The following ARHGAP32 variants were observed in gnomAD, a reference collection of about 807,000 sequenced individuals.
ARHGAP32 encodes the protein Rho GTPase activating protein 32.
A neutral mutation model predicts 186.5 loss-of-function variants in ARHGAP32; 51 were observed. The ratio of observed to expected loss-of-function variants is 0.27; its 90% CI spans 0.22 to 0.35. ARHGAP32 has a LOEUF of 0.35. Ranked by LOEUF, ARHGAP32 falls within the 10% of genes least tolerant of loss-of-function variation. The pLI is 1.00. For missense variants in ARHGAP32, 2,186 were observed against 2,623.5 expected, an observed-to-expected ratio of 0.83 and a Z score of 3.64; for synonymous variants, 950 against 964.3, an observed-to-expected ratio of 0.99 and a Z score of 0.27.
At chr11:129,056,301 C>T (rs892177470) in intron 10 of ARHGAP32, among the ~76,000 whole-genome samples, 2 of 152,108 alleles carry the variant, frequency 1.3e-5, no homozygotes, top group African/African-American at 4.8e-5. Context: ...TTATTTTTGA[C>T]AAGGTCTGGC....
chr11:129,194,747 C>A (rs1241227750), upstream of ARHGAP32, among the ~76,000 whole-genome samples: 2 of 151,352 alleles, frequency 1.3e-5, no homozygotes, highest in Non-Finnish European at 2.9e-5. Context: ...GAGTGAAACT[C>A]CGTCTCAAAA....
intron 11 of ARHGAP32, among the ~76,000 whole-genome samples, chr11:129,035,677 C>T (rs967823853): frequency 2.0e-5 from 3 of 151,908 alleles, no homozygotes; most frequent in African/African-American, 7.3e-5. Context: ...AACCTCACCT[C>T]TACTAAAAAT....
In ARHGAP32 at chr11:129,086,820, CAA is replaced by C. The variant is rs150471534; in HGVS notation, c.531+6799_531+6800del. 2.8e-3 allele frequency among the ~76,000 whole-genome samples: 216 copies of C among 77,982 alleles called. 3 individuals are homozygous for C. Among genetic ancestry groups the C allele is most frequent in the Admixed American group, 0.025 (182 of 7,230 alleles). 51.2% of individuals were successfully genotyped at this position (77,982 alleles called of 152,430 possible). ...TGGGCGACAGAGTGAGACTCCATCT[CAA>C]AAAAAAAAAAAAAAAAGACACACTG... On this transcript the variant is annotated intron_variant, in intron 6 of 22. Coordinates refer to ENST00000682385, the MANE Select transcript of ARHGAP32 (RefSeq NM_001378024.1).
chr11:129,078,452 C>A (rs184819455), intron 6 of ARHGAP32, among the ~76,000 whole-genome samples: 2 of 152,126 alleles, frequency 1.3e-5, no homozygotes, highest in African/African-American at 4.8e-5. Context: ...CGAACAAAAA[C>A]GAACTCTTTG....
intron 6 of ARHGAP32, among the ~76,000 whole-genome samples, chr11:129,072,069 T>C (rs1939344): frequency 0.17 from 25,947 of 152,010 alleles, 2,699 homozygotes; most frequent in African/African-American, 0.29. Context: ...AGTGAAGAGA[T>C]GTTGGTCAAT....
intron 6 of ARHGAP32, among the ~76,000 whole-genome samples, chr11:129,092,389 C>T (rs1462443529): frequency 6.6e-6 from 1 of 151,770 alleles, no homozygotes; most frequent in East Asian, 1.9e-4. Flanking sequence ...CAACGATGTA[C>T]TCTAGATAAA....
At chr11:129,042,302 C>T (rs868181440) in intron 10 of ARHGAP32, among the ~76,000 whole-genome samples, 24 of 152,114 alleles carry the variant, frequency 1.6e-4, no homozygotes, top group Middle Eastern at 3.2e-3. Flanking sequence ...GGGCATGCAC[C>T]ACCTCACCTG....
intron 1 of ARHGAP32, among the ~76,000 whole-genome samples, chr11:129,199,912 T>G (rs1944438465): frequency 6.6e-6 from 1 of 152,214 alleles, no homozygotes. Context: ...GGGGCAGAGC[T>G]GCCCAAGACC....
At chr11:129,044,135 C>T (rs1356240800) in intron 10 of ARHGAP32, among the ~76,000 whole-genome samples, 2 of 152,144 alleles carry the variant, frequency 1.3e-5, no homozygotes, top group African/African-American at 4.8e-5. Flanking sequence ...AAGTCTGCCA[C>T]TCACTAGATT....
Position 128,974,638 on chromosome 11 carries a change from A to C in ARHGAP32, c.2559T>G (p.Gly853=). The part of the protein sequence containing the change: ...PSANKKDAET[G]SSQCQTPGST... Reference sequence around the variant, plus strand: ...TTCCTGGAGTCTGACATTGGCTACTACCTGTTTCTGCATCCTTTTTATTGG... The same window carrying C: ...TTCCTGGAGTCTGACATTGGCTACTCCCTGTTTCTGCATCCTTTTTATTGG... The change falls in exon 21 of 23, where the codon GGT becomes GGG. Residue 853 remains glycine (G), a synonymous_variant. Coordinates refer to ENST00000682385, the MANE Select transcript of ARHGAP32 (RefSeq NM_001378024.1). The C allele has an allele frequency of 6.2e-7, 1 of 1,614,160 alleles. No individual in the cohort carries two copies. Among genetic ancestry groups the C allele is most frequent in the Non-Finnish European group, 8.5e-7 (1 of 1,180,022 alleles).
chr11:129,195,160 A>G (rs574501703), upstream of ARHGAP32, among the ~76,000 whole-genome samples: 2 of 152,078 alleles, frequency 1.3e-5, no homozygotes, highest in East Asian at 3.9e-4. Flanking sequence ...TTGTATTTTT[A>G]GTAGAGATGG....
intron 2 of ARHGAP32, among the ~76,000 whole-genome samples, chr11:129,154,266 G>A (rs576624183): frequency 1.2e-4 from 19 of 152,178 alleles, no homozygotes; most frequent in South Asian, 1.2e-3. Flanking sequence ...AAGGGAACAC[G>A]TTTACATTGC....
chr11:129,250,870 C>T (rs1459591836), intron 1 of ARHGAP32, among the ~76,000 whole-genome samples: 1 of 152,114 alleles, frequency 6.6e-6, no homozygotes, highest in Non-Finnish European at 1.5e-5. Flanking sequence ...ATATGTCATA[C>T]CTCACACTTA....
intron 10 of ARHGAP32, among the ~76,000 whole-genome samples, chr11:129,061,512 G>A (rs1157689229): frequency 6.6e-6 from 1 of 151,990 alleles, no homozygotes; most frequent in Non-Finnish European, 1.5e-5. Flanking sequence ...ACTAATAATC[G>A]ACTAAAACAA....
rs759528517 is a variant in ARHGAP32 at position 128,971,002 on chromosome 11, G to A, written c.4211C>T (p.Ala1404Val). 6 of 1,613,528 alleles carry A rather than the reference G, an allele frequency of 3.7e-6. No homozygotes were observed. Among genetic ancestry groups the A allele is most frequent in the South Asian group, 3.3e-5 (3 of 91,088 alleles). The change falls in exon 23 of 23, where the codon GCC (alanine) becomes GTC (valine). Residue 1404 changes from alanine (A) to valine (V), a missense_variant. Transcript: ENST00000682385. ...PGLPEKVRDG[A>V]RVPLLHLRAE... ...GCGCAGGTGCAGCAGCGGGACCCGG[G>A]CACCGTCCCGCACTTTCTCAGGCAG...
rs751480891 is a variant in ARHGAP32, at chr11:129,123,592, G to A, written c.360-62C>T. ...AAACAGTAAAAATTACTAAGTTTAAGGGAAAAATACAGTGGATTTAAGAGC... is the reference window on the plus strand; with the variant it reads ...AAACAGTAAAAATTACTAAGTTTAAAGGAAAAATACAGTGGATTTAAGAGC... On this transcript the variant is annotated intron_variant, in intron 4 of 22. Transcript: ENST00000682385. The surrounding 1 kb of genome is among the most constrained non-coding windows in gnomAD (Gnocchi z 4.6). The A allele has an allele frequency of 1.3e-4, 194 of 1,466,330 alleles. No individual in the cohort carries two copies. In the Middle Eastern group the frequency reaches 2.8e-3, roughly 21 times the overall value. The allele number at this position is 1,466,330 out of a possible 1,614,324, so 90.8% of individuals were successfully genotyped here.
At chr11:129,197,436 A>G (rs1380265239) in intron 1 of ARHGAP32, among the ~76,000 whole-genome samples, 2 of 152,142 alleles carry the variant, frequency 1.3e-5, no homozygotes, top group Non-Finnish European at 2.9e-5. Context: ...TTTTTTTCAA[A>G]ACTGTTCAAT....
At position 129,099,132 on chromosome 11, in the gene ARHGAP32, A is replaced by G. The variant is rs114169472; in HGVS notation, c.445-5425T>C. Among the ~76,000 whole-genome samples, 476 of 152,360 alleles carry G rather than the reference A, an allele frequency of 3.1e-3. 4 individuals are homozygous for G. Among genetic ancestry groups the G allele is most frequent in the African/African-American group, 0.011 (460 of 41,584 alleles). ...TCCCTCCTTATCAGTAATTACTTTT[A>G]ATGTGAATGAAATAAACAGTACAAT... On this transcript the variant is annotated intron_variant, in intron 5 of 22. Coordinates refer to ENST00000682385, the MANE Select transcript of ARHGAP32 (RefSeq NM_001378024.1).
At position 128,972,873 on chromosome 11, in the gene ARHGAP32, G is replaced by A. The variant is rs997087823; in HGVS notation, c.3633C>T (p.Phe1211=). The change falls in exon 22 of 23, where the codon TTC becomes TTT. Residue 1211 remains phenylalanine, a synonymous_variant. Transcript: ENST00000682385. ...GGGGTGGAGACTGGTCCTGATCCAA[G>A]AAGGAGACAGTTGGCATACTGTTCT... ...SGKNSMPTVS[F]LDQDQSPPRF... 2 of 1,613,952 alleles carry A rather than the reference G, an allele frequency of 1.2e-6. No homozygotes were observed. Among genetic ancestry groups the A allele is most frequent in the African/African-American group, 2.7e-5 (2 of 74,920 alleles).
Sources: allele counts gnomAD v4.1 joint callset (sites outside exome capture counted in the v4.1 genomes callset), GRCh38; gene constraint gnomAD v4.1.1; non-coding constraint Gnocchi (gnomAD v3.1); transcripts MANE v1.5; gene names NCBI Gene and HGNC (gene_info 2026-07-23, HGNC 2026-07-21).